ABCB1: variants seen among roughly 807,000 people sequenced by gnomAD.
ABCB1 encodes ATP binding cassette subfamily B member 1.
ABCB1 carries 69 observed loss-of-function variants against 142.0 expected under a neutral mutation model. The ratio of observed to expected loss-of-function variants is 0.49; its 90% CI spans 0.40 to 0.59. The LOEUF (loss-of-function observed/expected upper bound fraction) is 0.59. Among genes scored for constraint, ABCB1 ranks in the 20% least tolerant of loss-of-function variants. ABCB1 has a pLI of 0.00. For synonymous variants in ABCB1, 532 were observed against 539.2 expected (o/e 0.99, Z 0.18); for missense variants, 1,326 against 1,554.7 (o/e 0.85, Z 2.47).
At chr7:87,656,535 GA>G (rs1001510779) in intron 1 of ABCB1, among the ~76,000 whole-genome samples, 15 of 151,542 alleles carry the variant, frequency 9.9e-5, no homozygotes, top group African/African-American at 3.6e-4. Context: ...GGACACTTGA[GA>G]AAAAATGATA....
chr7:87,601,574 C>T (rs138442576), upstream of ABCB1, among the ~76,000 whole-genome samples: 199 of 152,314 alleles, frequency 1.3e-3, 1 homozygote, highest in Middle Eastern at 6.8e-3. Flanking sequence ...CATGTTTTAG[C>T]ATATTACATT....
Position 87,516,618 on chromosome 7 carries a change from C to A in ABCB1, c.2975G>T (p.Ser992Ile), listed in dbSNP as rs56849127. ...TTTGGCATAGTCAGGAGCAAATGAA[C>A]TGACTTGCCCCACGGCCATGGCACC... ...VFGAMAVGQV[S>I]SFAPDYAKAK... is the part of the protein sequence containing the mutation. The change falls in exon 24 of 28, where the codon AGT (serine) becomes ATT (isoleucine). Residue 992 changes from serine (S) to isoleucine (I), a missense_variant. Coordinates refer to ENST00000622132, the MANE Select transcript of ABCB1 (RefSeq NM_001348946.2). The A allele has an allele frequency of 1.2e-6, 2 of 1,614,040 alleles. No individual in the cohort carries two copies. The highest frequency in any genetic ancestry group is 1.7e-6 in the Non-Finnish European group (2 of 1,180,028).
chr7:87,588,002 A>G (rs192176597), intron 3 of ABCB1, among the ~76,000 whole-genome samples: 80 of 152,196 alleles, frequency 5.3e-4, no homozygotes, highest in Non-Finnish European at 9.1e-4. Context: ...AAACAGAAAT[A>G]GCTGACTGAT....
Position 87,511,844 on chromosome 7 carries a change from A to C in ABCB1, c.3283-2363T>G, listed in dbSNP as rs1584831856. Among the ~76,000 whole-genome samples, 3 of 152,334 alleles carry C rather than the reference A, an allele frequency of 2.0e-5. No homozygotes were observed. The South Asian group carries it at 6.2e-4, about 32-fold the overall frequency. ...ACCAGACAATGACAAGCAGCTTCTAATTGTATCCCAAAGGGGGTTCTGACT... is the reference window on the plus strand; with the variant it reads ...ACCAGACAATGACAAGCAGCTTCTACTTGTATCCCAAAGGGGGTTCTGACT... On this transcript the variant is annotated intron_variant, in intron 25 of 27. Coordinates refer to ENST00000622132, the MANE Select transcript of ABCB1 (RefSeq NM_001348946.2).
intron 1 of ABCB1, among the ~76,000 whole-genome samples, chr7:87,701,723 T>C (rs1476556335): frequency 6.6e-6 from 1 of 152,180 alleles, no homozygotes; most frequent in Non-Finnish European, 1.5e-5. Context: ...TTTCCAACCA[T>C]ATATCTGTGT....
chr7:87,627,134 G>T (rs999065113), intron 1 of ABCB1, among the ~76,000 whole-genome samples: 4 of 152,048 alleles, frequency 2.6e-5, no homozygotes, highest in African/African-American at 9.7e-5. Flanking sequence ...TAGCTGAAAA[G>T]GATGATTTTT....
At chr7:87,541,608 C>G (rs999679167) in intron 17 of ABCB1, 144 bp from the exon 18 acceptor site, 2 of 687,992 alleles carry the variant, frequency 2.9e-6, no homozygotes, top group Non-Finnish European at 5.3e-6. Context: ...CTATTGCCAG[C>G]CTTAAAGGTG....
chr7:87,655,046 A>G (rs1352648342), intron 1 of ABCB1, among the ~76,000 whole-genome samples: 2 of 152,150 alleles, frequency 1.3e-5, no homozygotes, highest in Non-Finnish European at 2.9e-5. Flanking sequence ...AGTGCTGGAG[A>G]AGATGTGGAG....
intron 1 of ABCB1, among the ~76,000 whole-genome samples, chr7:87,670,912 C>T (rs1392736408): frequency 6.6e-6 from 1 of 152,192 alleles, no homozygotes; most frequent in East Asian, 1.9e-4. Flanking sequence ...CCCTTGAATG[C>T]TGGCTGTAGA....
intron 4 of ABCB1, among the ~76,000 whole-genome samples, chr7:87,584,961 A>G (rs189269809): frequency 1.4e-5 from 2 of 144,828 alleles, no homozygotes; most frequent in Non-Finnish European, 3.0e-5. Flanking sequence ...ACCCCCCCAC[A>G]CACACACACA....
rs1437190587 is a variant in ABCB1 at position 87,546,321 on chromosome 7, G to T, written c.1726-297C>A. Among the ~76,000 whole-genome samples the T allele has an allele frequency of 2.0e-5, 3 of 152,228 alleles. No individual in the cohort carries two copies. In the South Asian group the frequency reaches 6.2e-4, roughly 32 times the overall value. ...TCAGGGGCTTGGGCCGGGCGTGGTGGCTCACGCCTGTAATCCCAGCACTTT... is the reference window on the plus strand; with the variant it reads ...TCAGGGGCTTGGGCCGGGCGTGGTGTCTCACGCCTGTAATCCCAGCACTTT... On this transcript the variant is annotated intron_variant, in intron 14 of 27. Transcript: ENST00000622132.
At chr7:87,583,411 A>G (rs1818603705) in intron 4 of ABCB1, among the ~76,000 whole-genome samples, 1 of 152,218 alleles carries the variant, frequency 6.6e-6, no homozygotes, top group African/African-American at 2.4e-5. Flanking sequence ...GAGAATAACA[A>G]AAGTAAACTT....
intron 1 of ABCB1, chr7:87,693,971 G>C: frequency 6.2e-7 from 1 of 1,611,422 alleles, no homozygotes; most frequent in Non-Finnish European, 8.5e-7. Context: ...ACTCTATGCT[G>C]GTGATGTCTC....
At chr7:87,657,069 C>T (rs1472065382) in intron 1 of ABCB1, among the ~76,000 whole-genome samples, 1 of 152,078 alleles carries the variant, frequency 6.6e-6, no homozygotes, top group Non-Finnish European at 1.5e-5. Context: ...TCCCCTATTT[C>T]TCTCACTAAG....
chr7:87,585,341 T>C (rs1818695507), intron 4 of ABCB1, among the ~76,000 whole-genome samples, 171 bp downstream of exon 4: 1 of 152,220 alleles, frequency 6.6e-6, no homozygotes, highest in African/African-American at 2.4e-5. Flanking sequence ...GTAATGCTTG[T>C]AAATATTATC....
rs117991590 is a variant in ABCB1 at position 87,558,795 on chromosome 7, A to G, written c.827+2468T>C. Among the ~76,000 whole-genome samples the G allele has an allele frequency of 1.5e-3, 227 of 152,090 alleles. 1 individual carries two copies. The highest frequency in any genetic ancestry group is 5.8e-3 in the East Asian group (30 of 5,182). ...GTTTTACGAGTTTTTGTCATGAATC[A>G]TATATAATTCATGCTTTTCCCCTTA... is the stretch of plus-strand genomic sequence containing the variant. On this transcript the variant is annotated intron_variant, in intron 8 of 27. Coordinates refer to ENST00000622132, the MANE Select transcript of ABCB1 (RefSeq NM_001348946.2).
intron 1 of ABCB1, among the ~76,000 whole-genome samples, chr7:87,682,516 T>TG (rs1827026852): frequency 6.6e-6 from 1 of 152,212 alleles, no homozygotes; most frequent in African/African-American, 2.4e-5. Flanking sequence ...GATTGGATGT[T>TG]GTGTTAGAAG....
chr7:87,516,281 G>C (rs911065429), intron 24 of ABCB1, among the ~76,000 whole-genome samples: 2 of 152,070 alleles, frequency 1.3e-5, no homozygotes, highest in South Asian at 4.2e-4. Context: ...CTGATTAATA[G>C]GTTTTGCTTA....
intron 1 of ABCB1, among the ~76,000 whole-genome samples, chr7:87,606,330 G>A (rs1584918731): frequency 1.3e-5 from 2 of 152,106 alleles, no homozygotes; most frequent in Non-Finnish European, 2.9e-5. Flanking sequence ...ACAAGTAGGA[G>A]TTGAAAATTA....
Sources: allele counts gnomAD v4.1 joint callset (sites outside exome capture counted in the v4.1 genomes callset), GRCh38; gene constraint gnomAD v4.1.1; transcripts MANE v1.5; gene names NCBI Gene and HGNC (gene_info 2026-07-23, HGNC 2026-07-21).